The following SVEP1 variants were observed in gnomAD, a reference collection of about 807,000 sequenced individuals.
SVEP1 encodes the protein sushi, von Willebrand factor type A, EGF and pentraxin domain containing 1.
In SVEP1, 164 loss-of-function variants were observed where a neutral mutation model predicts 367.3. That is an observed-to-expected ratio of 0.45 (90% CI 0.39 to 0.51). SVEP1 has a LOEUF of 0.51. Among genes scored for constraint, SVEP1 ranks in the 20% least tolerant of loss-of-function variants. The pLI is 0.00. For synonymous variants in SVEP1, 1,666 were observed against 1,611.6 expected (o/e 1.03, Z -0.81); for missense variants, 4,117 against 4,425.3 (o/e 0.93, Z 1.98).
chr9:110,373,682 ATTGAG>A (rs1827310133), intron 46 of SVEP1, among the ~76,000 whole-genome samples: 1 of 151,838 alleles, frequency 6.6e-6, no homozygotes, highest in South Asian at 2.1e-4. Context: ...ATCATTTTAA[ATTGAG>A]TTATTTGACA....
chr9:110,548,184 C>G (rs963697199), intron 2 of SVEP1, among the ~76,000 whole-genome samples: 1 of 152,186 alleles, frequency 6.6e-6, no homozygotes, highest in East Asian at 1.9e-4. Context: ...AGTTGCTGAA[C>G]TTCTTCCATG....
chr9:110,575,745 AG>A (rs1830620666), intron 1 of SVEP1, among the ~76,000 whole-genome samples: 1 of 152,178 alleles, frequency 6.6e-6, no homozygotes, highest in Admixed American at 6.5e-5. Context: ...CTGACAGCTG[AG>A]GGTTAATACC....
At chr9:110,477,716 A>C (rs1368650989) in intron 13 of SVEP1, among the ~76,000 whole-genome samples, 1 of 151,984 alleles carries the variant, frequency 6.6e-6, no homozygotes, top group Non-Finnish European at 1.5e-5. Context: ...TTTATCCCAC[A>C]ATCTACTTCC....
intron 16 of SVEP1, 108 bp downstream of exon 16, chr9:110,471,256 G>A (rs1412937502): frequency 1.6e-5 from 15 of 928,728 alleles, no homozygotes; most frequent in Non-Finnish European, 2.2e-5. Flanking sequence ...CACAACAAGA[G>A]CAAAATATGT....
rs201904367 is a variant in SVEP1, at chr9:110,431,916, T to C, written c.5352A>G (p.Ala1784=). The change falls in exon 32 of 48, where the codon GCA becomes GCG. Residue 1784 remains alanine (A), a splice_region_variant and synonymous_variant. Coordinates refer to ENST00000374469, the MANE Select transcript of SVEP1 (RefSeq NM_153366.4). Reference sequence around the variant, plus strand: ...TTTAGTTCTACATATATTGGTTACCTGCACAGTTTTTCCCATCTCCTGTGT... The same window carrying C: ...TTTAGTTCTACATATATTGGTTACCCGCACAGTTTTTCCCATCTCCTGTGT... ...PPYTGDGKNC[A]EPIKCKAPGN... 27 of 1,613,554 alleles carry C rather than the reference T, an allele frequency of 1.7e-5. No individual in the cohort carries two copies. The highest frequency in any genetic ancestry group is 1.7e-4 in the Middle Eastern group (1 of 6,058).
intron 3 of SVEP1, among the ~76,000 whole-genome samples, chr9:110,529,990 G>T (rs1327213602): frequency 7.0e-6 from 1 of 143,650 alleles, no homozygotes. Flanking sequence ...TTGGCTGTAG[G>T]TTTATCACAT....
intron 39 of SVEP1, among the ~76,000 whole-genome samples, chr9:110,403,852 A>G (rs1352828227): frequency 9.6e-6 from 1 of 103,692 alleles, no homozygotes; most frequent in Non-Finnish European, 2.2e-5. Context: ...GTAATAATAC[A>G]CTTTTTTTTT....
intron 3 of SVEP1, 151 bp downstream of exon 3, chr9:110,545,964 T>C: frequency 1.1e-6 from 1 of 944,296 alleles, no homozygotes; most frequent in Non-Finnish European, 1.6e-6. Context: ...GGCAAATAAA[T>C]GAGTCAGCAC....
intron 14 of SVEP1, among the ~76,000 whole-genome samples, chr9:110,472,891 C>A (rs1183525354): frequency 6.6e-6 from 1 of 152,016 alleles, no homozygotes; most frequent in African/African-American, 2.4e-5. Context: ...CTCTAGATGC[C>A]CTTGATATCA....
chr9:110,566,444 G>A (rs189138736), intron 1 of SVEP1, among the ~76,000 whole-genome samples: 99 of 152,272 alleles, frequency 6.5e-4, no homozygotes, highest in Middle Eastern at 3.4e-3. Flanking sequence ...TTACAGTGGT[G>A]CCTGACAAGT....
At chr9:110,430,750 GAAGGGCATT>G (rs1219953413) in intron 32 of SVEP1, among the ~76,000 whole-genome samples, 1 of 152,224 alleles carries the variant, frequency 6.6e-6, no homozygotes, top group Non-Finnish European at 1.5e-5. Context: ...GAGTGGCTTA[GAAGGGCATT>G]AGCCTCTTTC....
intron 1 of SVEP1, among the ~76,000 whole-genome samples, chr9:110,573,554 T>G (rs921364192): frequency 2.0e-5 from 3 of 150,600 alleles, no homozygotes; most frequent in Non-Finnish European, 4.4e-5. Flanking sequence ...TCAGGAACAA[T>G]GAGGAAAGCA....
intron 40 of SVEP1, among the ~76,000 whole-genome samples, chr9:110,395,243 A>G (rs1276486572): frequency 6.6e-6 from 1 of 152,188 alleles, no homozygotes; most frequent in Non-Finnish European, 1.5e-5. Flanking sequence ...TTTCATATCC[A>G]GCCAAACTAT....
intron 22 of SVEP1, among the ~76,000 whole-genome samples, chr9:110,455,286 C>G (rs1226455684): frequency 3.3e-5 from 5 of 152,130 alleles, no homozygotes; most frequent in African/African-American, 1.2e-4. Context: ...AATGAAGAAA[C>G]AGGTTCAGTG....
At chr9:110,462,717 CAGAG>C (rs1828876274) in intron 18 of SVEP1, among the ~76,000 whole-genome samples, 1 of 150,982 alleles carries the variant, frequency 6.6e-6, no homozygotes, top group South Asian at 2.1e-4. Flanking sequence ...CTATTGTAGA[CAGAG>C]AGACAGAGAG....
intron 1 of SVEP1, among the ~76,000 whole-genome samples, chr9:110,575,879 G>A (rs1045772426): frequency 6.6e-6 from 1 of 152,108 alleles, no homozygotes; most frequent in African/African-American, 2.4e-5. Context: ...ACAATAACAT[G>A]TTTTTAAAAT....
chr9:110,366,536 T>C lies in SVEP1; in HGVS notation c.*3A>G. The C allele has an allele frequency of 6.4e-7, 1 of 1,553,928 alleles. No homozygotes were observed. The highest frequency in any genetic ancestry group is 8.7e-7 in the Non-Finnish European group (1 of 1,152,792). On this transcript the variant is annotated 3_prime_UTR_variant, in exon 48 of 48. Transcript: ENST00000374469. Reference sequence around the variant, plus strand: ...TTGGGAGAGCCAGATGGTCGTGCAGTGGTTAAAACCCAGTCCTCCTTTTCC... The same window carrying C: ...TTGGGAGAGCCAGATGGTCGTGCAGCGGTTAAAACCCAGTCCTCCTTTTCC...
chr9:110,443,473 A>G (rs1828544510), intron 27 of SVEP1, 72 bp downstream of exon 27: 2 of 1,263,392 alleles, frequency 1.6e-6, no homozygotes, highest in Non-Finnish European at 2.1e-6. Flanking sequence ...CAATGCTAGC[A>G]AACCTGATGT....
At position 110,472,204 on chromosome 9, in the gene SVEP1, C is replaced by T. The variant is rs993561808; in HGVS notation, c.2719G>A (p.Ala907Thr). The T allele has an allele frequency of 6.2e-7, 1 of 1,613,358 alleles. No individual in the cohort carries two copies. Among genetic ancestry groups the T allele is most frequent in the Non-Finnish European group, 8.5e-7 (1 of 1,179,724 alleles). Residue 907 changes from alanine to threonine, a missense_variant, in exon 15 of 48, where the codon GCC becomes ACC. This residue lies in a region of SVEP1 where 2,174 missense variants were observed against 2,494.3 expected (regional missense o/e 0.87). Coordinates refer to ENST00000374469, the MANE Select transcript of SVEP1 (RefSeq NM_153366.4). Reference sequence around the variant, plus strand: ...TTAATTTTATAGTCAGATAATGGGGCACTTCTTTTAATCCGTGAGGACTTG... The same window carrying T: ...TTAATTTTATAGTCAGATAATGGGGTACTTCTTTTAATCCGTGAGGACTTG... ...NAKSSRIKRS[A>T]PLSDYKIKLI...
Sources: gnomAD v4.1 joint callset for allele counts (sites outside exome capture counted in the v4.1 genomes callset) on GRCh38, gnomAD v4.1.1 for gene constraint, gnomAD v4.1.1 regional missense constraint, MANE v1.5 for transcripts, NCBI Gene and HGNC (gene_info 2026-07-23, HGNC 2026-07-21) for gene names.